ABCA3: variants seen among roughly 807,000 people sequenced by gnomAD.
ABCA3 encodes ATP binding cassette subfamily A member 3.
In ABCA3, 88 loss-of-function variants were observed where a neutral mutation model predicts 172.8. That is an observed-to-expected ratio of 0.51 (90% CI 0.43 to 0.61). ABCA3 has a LOEUF of 0.61. Ranked by LOEUF, ABCA3 falls within the 20% of genes least tolerant of loss-of-function variation. The pLI, the probability that ABCA3 is intolerant of heterozygous loss-of-function variation, is 0.00. For synonymous variants in ABCA3, 1,066 were observed against 983.8 expected (o/e 1.08, Z -1.56); for missense variants, 2,164 against 2,301.0 (o/e 0.94, Z 1.22).
Position 2,298,407 on chromosome 16 carries a change from C to A in ABCA3, c.1875G>T (p.Glu625Asp), listed in dbSNP as rs1475092977. 5.0e-6 allele frequency: 8 copies of A among 1,614,002 alleles called. No homozygotes were observed. The highest frequency in any genetic ancestry group is 6.8e-6 in the Non-Finnish European group (8 of 1,180,030). ...DILFDNLTVA[E>D]HLYFYAQLKG... ...TCACCTGGGCGTAGAAATAAAGGTG[C>A]TCTGCGACTGTCAAGTTGTCAAACA... The change falls in exon 15 of 33, where the codon GAG becomes GAT. Residue 625 changes from glutamate to aspartate, a missense_variant. Glu to Asp is a conservative substitution (Grantham distance 45). Coordinates refer to ENST00000301732, the MANE Select transcript of ABCA3 (RefSeq NM_001089.3).
Position 2,277,538 on chromosome 16 carries a change from C to A in ABCA3, c.4983+59G>T, listed in dbSNP as rs765319647. On this transcript the variant is annotated intron_variant, in intron 32 of 32. Coordinates refer to ENST00000301732, the MANE Select transcript of ABCA3 (RefSeq NM_001089.3). This position sits in a 1 kb window ranked among gnomAD's most constrained non-coding sequence, Gnocchi z 5.3. Reference sequence around the variant, plus strand: ...TGCAGTCACCACAGAGGGAGAGACCCCTGGAGGGACCTCCCCCTGCCCCAT... The same window carrying A: ...TGCAGTCACCACAGAGGGAGAGACCACTGGAGGGACCTCCCCCTGCCCCAT... 5 of 1,571,596 alleles carry A rather than the reference C, an allele frequency of 3.2e-6. No individual in the cohort carries two copies. The highest frequency in any genetic ancestry group is 4.4e-6 in the Non-Finnish European group (5 of 1,146,252).
At position 2,284,448 on chromosome 16, in the gene ABCA3, G is replaced by A; in HGVS notation, c.3704-11C>T. ...CTTCCAGTTTTACAGCTGCGTTGGG[G>A]AGGTAAGATCAGTCTGCGCTGGAGG... is the stretch of plus-strand genomic sequence containing the variant. On this transcript the variant is annotated splice_polypyrimidine_tract_variant and intron_variant, in intron 24 of 32. Transcript: ENST00000301732. This position sits in a 1 kb window ranked among gnomAD's most constrained non-coding sequence, Gnocchi z 5.9. 6.2e-7 allele frequency: 1 copy of A among 1,613,608 alleles called. No homozygotes were observed. Among genetic ancestry groups the A allele is most frequent in the Non-Finnish European group, 8.5e-7 (1 of 1,179,984 alleles).
At chr16:2,290,155 G>T (rs771122330) in intron 19 of ABCA3, among the ~76,000 whole-genome samples, 2 of 152,102 alleles carry the variant, frequency 1.3e-5, no homozygotes, top group African/African-American at 2.4e-5. Context: ...GCAGGCTGCC[G>T]TGAGGCCTAA....
intron 18 of ABCA3, among the ~76,000 whole-genome samples, chr16:2,294,888 CAGG>C (rs1484460796): frequency 6.6e-6 from 1 of 152,038 alleles, no homozygotes; most frequent in Non-Finnish European, 1.5e-5. Flanking sequence ...GAGGCTGAGG[CAGG>C]AGAATTGCTT....
intron 3 of ABCA3, among the ~76,000 whole-genome samples, chr16:2,327,796 A>G (rs1359430163): frequency 6.6e-6 from 1 of 152,128 alleles, no homozygotes; most frequent in Non-Finnish European, 1.5e-5. Context: ...TCTTGGCTCA[A>G]TGGAACCTCC....
Position 2,278,493 on chromosome 16 carries a change from G to A in ABCA3, c.4548-35C>T, listed in dbSNP as rs199704434. ...GGAGGGTGCCAGGTGGGGGAATAAG[G>A]CTGAGAGTTAGCATTGGCTCCCATG... On this transcript the variant is annotated intron_variant, in intron 29 of 32. Transcript: ENST00000301732. The surrounding 1 kb of genome is among the most constrained non-coding windows in gnomAD (Gnocchi z 4.4). 33 of 1,605,752 alleles carry A rather than the reference G, an allele frequency of 2.1e-5. No individual in the cohort carries two copies. In the Admixed American group the frequency reaches 4.7e-4, roughly 23 times the overall value.
Position 2,281,580 on chromosome 16 carries a change from C to CGGGGG in ABCA3, c.4036-76_4036-72dup. 1.9e-5 allele frequency: 6 copies of CGGGGG among 319,048 alleles called. No homozygotes were observed. Among genetic ancestry groups the CGGGGG allele is most frequent in the Non-Finnish European group, 3.7e-5 (6 of 163,582 alleles). The allele number at this position is 319,048 out of a possible 1,614,324, so 19.8% of individuals were successfully genotyped here. ...GCGGCTTCCGTGGAGAAGGGAGGGG[C>CGGGGG]GGGGGTGGATGTGGGAGGTCTGGTG... On this transcript the variant is annotated intron_variant, in intron 26 of 32. Coordinates refer to ENST00000301732, the MANE Select transcript of ABCA3 (RefSeq NM_001089.3). The surrounding 1 kb of genome is among the most constrained non-coding windows in gnomAD (Gnocchi z 4.7).
chr16:2,295,805 G>T, intron 17 of ABCA3, 65 bp from the exon 18 acceptor site: 1 of 1,607,912 alleles, frequency 6.2e-7, no homozygotes, highest in South Asian at 1.1e-5. Flanking sequence ...GCCCACCCCG[G>T]GGTCTCTAGG....
Position 2,286,576 on chromosome 16 carries a change from G to C in ABCA3, c.3278+118C>G, listed in dbSNP as rs906730550. The C allele has an allele frequency of 2.2e-6, 3 of 1,376,138 alleles. No homozygotes were observed. The highest frequency in any genetic ancestry group is 3.0e-6 in the Non-Finnish European group (3 of 1,008,406). The allele number at this position is 1,376,138 out of a possible 1,614,324, so 85.2% of individuals were successfully genotyped here. Reference sequence around the variant, plus strand: ...AGGATGTGGCAGGGGTTTCCCACCAGACCCAGGGGCTTTGGGAGGGCAGAC... The same window carrying C: ...AGGATGTGGCAGGGGTTTCCCACCACACCCAGGGGCTTTGGGAGGGCAGAC... On this transcript the variant is annotated intron_variant, in intron 22 of 32. Transcript: ENST00000301732. The surrounding 1 kb of genome is among the most constrained non-coding windows in gnomAD (Gnocchi z 5.2).
chr16:2,319,701 G>A lies in ABCA3; in HGVS notation c.753C>T (p.Ile251=), dbSNP rs146161376. The A allele has an allele frequency of 3.1e-4, 498 of 1,614,004 alleles. 2 individuals are homozygous for A. The Middle Eastern group carries it at 3.1e-3, about 10-fold the overall frequency. Residue 251 remains isoleucine (I), a synonymous_variant, in exon 8 of 33, where the codon ATC becomes ATT. Transcript: ENST00000301732. ...TIKRFPYPPF[I]ADPFLVAIQY... ...GGATGGCCACGAGGAAGGGGTCTGC[G>A]ATGAACGGCGGGTACGGGAACCTCT...
chr16:2,338,402 G>A (rs1049917050), intron 1 of ABCA3, among the ~76,000 whole-genome samples: 1 of 152,158 alleles, frequency 6.6e-6, no homozygotes, highest in African/African-American at 2.4e-5. Context: ...TAGTACCATG[G>A]CCTCTGTGAA....
chr16:2,340,462 G>C (rs916291436), intron 1 of ABCA3, 111 bp downstream of exon 1: 30 of 150,008 alleles, frequency 2.0e-4, no homozygotes, highest in African/African-American at 6.8e-4. Context: ...GGCCGGAGCT[G>C]GGGGGGGCCC....
chr16:2,315,510 C>T lies in ABCA3; in HGVS notation c.1111+1773G>A, dbSNP rs550485413. ...ACCTTTGGACATACAAAGTCGAAAGCACTGACCACTTACCAATGCCCACTA... is the reference window on the plus strand; with the variant it reads ...ACCTTTGGACATACAAAGTCGAAAGTACTGACCACTTACCAATGCCCACTA... On this transcript the variant is annotated intron_variant, in intron 10 of 32. Transcript: ENST00000301732. 6.6e-5 allele frequency among the ~76,000 whole-genome samples: 10 copies of T among 152,226 alleles called. 1 individual carries two copies. In the South Asian group the frequency reaches 1.0e-3, roughly 16 times the overall value.
At chr16:2,301,855 C>T (rs1169871268) in intron 12 of ABCA3, among the ~76,000 whole-genome samples, 1 of 152,214 alleles carries the variant, frequency 6.6e-6, no homozygotes. Context: ...CAAAGTCTGG[C>T]CATAAACTGG....
At chr16:2,321,257 T>A (rs2050277644) in intron 7 of ABCA3, among the ~76,000 whole-genome samples, 1 of 152,218 alleles carries the variant, frequency 6.6e-6, no homozygotes, top group African/African-American at 2.4e-5. Context: ...AGCTCCAGGC[T>A]GGGTGACCTG....
At position 2,299,343 on chromosome 16, in the gene ABCA3, C is replaced by T. The variant is rs2093685210; in HGVS notation, c.1741+60G>A. 9 of 1,606,054 alleles carry T rather than the reference C, an allele frequency of 5.6e-6. No homozygotes were observed. The South Asian group carries it at 7.7e-5, about 14-fold the overall frequency. ...TTGAGGGAGTGAGGCGGGGCTGGCG[C>T]TGAGATGGTGTTAAAGGGGGGCCTG... On this transcript the variant is annotated intron_variant, in intron 14 of 32. Transcript: ENST00000301732.
chr16:2,293,128 T>C (rs1263428016), intron 18 of ABCA3, among the ~76,000 whole-genome samples: 1 of 151,810 alleles, frequency 6.6e-6, no homozygotes, highest in African/African-American at 2.4e-5. Flanking sequence ...CTCGGCTCAC[T>C]GCAAGCTCCG....
chr16:2,297,251 C>A lies in ABCA3; in HGVS notation c.2263+78G>T. The A allele has an allele frequency of 6.5e-7, 1 of 1,527,236 alleles. No homozygotes were observed. Among genetic ancestry groups the A allele is most frequent in the Non-Finnish European group, 8.9e-7 (1 of 1,120,096 alleles). 94.6% of individuals were successfully genotyped at this position (1,527,236 alleles called of 1,614,324 possible). On this transcript the variant is annotated intron_variant, in intron 17 of 32. Transcript: ENST00000301732. The surrounding 1 kb of genome is among the most constrained non-coding windows in gnomAD (Gnocchi z 5.6). Reference sequence around the variant, plus strand: ...GCCACCCCTGCCTGATCTGAGGGCCCTTCATGAAGGTAGCAGCCATTCCCT... The same window carrying A: ...GCCACCCCTGCCTGATCTGAGGGCCATTCATGAAGGTAGCAGCCATTCCCT...
rs779460194 is a variant in ABCA3, at chr16:2,278,305, G to A, written c.4701C>T (p.Ile1567=). 6.2e-7 allele frequency: 1 copy of A among 1,609,116 alleles called. No individual in the cohort carries two copies. Among genetic ancestry groups the A allele is most frequent in the Non-Finnish European group, 8.5e-7 (1 of 1,180,004 alleles). Residue 1567 remains isoleucine (I), a synonymous_variant, in exon 30 of 33, where the codon ATC becomes ATT. Coordinates refer to ENST00000301732, the MANE Select transcript of ABCA3 (RefSeq NM_001089.3). The surrounding 1 kb of genome is among the most constrained non-coding windows in gnomAD (Gnocchi z 4.4). ...GGCTCTACCTGTGGGAGGTGATGAT[G>A]ATGGCCTTGCCAGACTCTCGGGCTC... ...VARARESGKA[I]IITSHSMEEC... is the part of the protein sequence containing the mutation.
Sources: allele counts gnomAD v4.1 joint callset (sites outside exome capture counted in the v4.1 genomes callset), GRCh38; gene constraint gnomAD v4.1.1; non-coding constraint Gnocchi (gnomAD v3.1); transcripts MANE v1.5; gene names NCBI Gene and HGNC (gene_info 2026-07-23, HGNC 2026-07-21).